The following AFDN variants were observed in gnomAD, a reference collection of about 807,000 sequenced individuals.
The protein encoded by AFDN is afadin.
In AFDN, 68 loss-of-function variants were observed where a neutral mutation model predicts 216.6. That is an observed-to-expected ratio of 0.31 (90% CI 0.26 to 0.38). The LOEUF (loss-of-function observed/expected upper bound fraction) is 0.38. AFDN is among the 10% of genes least tolerant of loss of function. The pLI is 1.00. For missense variants in AFDN, 2,136 were observed against 2,342.0 expected (o/e 0.91, Z 1.82); for synonymous variants, 868 against 853.7 (o/e 1.02, Z -0.29).
rs1180061457 is a variant in AFDN, at chr6:167,917,126, A to G, written c.2603A>G (p.Asp868Gly). Residue 868 changes from aspartate (D) to glycine (G), a missense_variant, in exon 20 of 34, where the codon GAT (aspartate) becomes GGT (glycine). Asp to Gly is a moderately conservative substitution (Grantham distance 94, BLOSUM62 -1). This residue lies in a region of AFDN where 162 missense variants were observed against 182.6 expected (regional missense o/e 0.89). Transcript: ENST00000683244. ...CTTACCATGGATAAGTATGCACCTG[A>G]TGACATTCCAAATATAAACAGCACC... ...TLLTMDKYAPDDIPNINSTCF... is the reference protein window; with the variant it reads ...TLLTMDKYAPGDIPNINSTCF... The G allele has an allele frequency of 6.2e-7, 1 of 1,613,524 alleles. No homozygotes were observed. Among genetic ancestry groups the G allele is most frequent in the Non-Finnish European group, 8.5e-7 (1 of 1,179,790 alleles).
chr6:167,954,665 A>G (rs1183519441), intron 30 of AFDN, among the ~76,000 whole-genome samples: 1 of 151,750 alleles, frequency 6.6e-6, no homozygotes, highest in East Asian at 1.9e-4. Flanking sequence ...TCCTAGATTT[A>G]GTTACTCTTT....
At chr6:167,877,027 T>C (rs1239006016) in intron 5 of AFDN, among the ~76,000 whole-genome samples, 1 of 152,214 alleles carries the variant, frequency 6.6e-6, no homozygotes, top group East Asian at 1.9e-4. Flanking sequence ...GGAGCAGGCA[T>C]GCCCATTAAA....
intron 2 of AFDN, among the ~76,000 whole-genome samples, chr6:167,867,504 A>G (rs1399336194): frequency 6.8e-6 from 1 of 146,058 alleles, no homozygotes; most frequent in East Asian, 2.0e-4. Context: ...ATCTTGGCTC[A>G]CGGCAACCTC....
At chr6:167,831,905 C>T (rs1779870969) in intron 1 of AFDN, among the ~76,000 whole-genome samples, 1 of 152,054 alleles carries the variant, frequency 6.6e-6, no homozygotes, top group South Asian at 2.1e-4. Context: ...ACAGTGTGTA[C>T]TAATAAGTAG....
intron 32 of AFDN, chr6:167,966,373 C>A: frequency 9.2e-7 from 1 of 1,083,398 alleles, no homozygotes; most frequent in South Asian, 1.6e-5. Context: ...GGCGATCATA[C>A]TTGCCTTGGA....
chr6:167,882,200 A>C (rs1345030334), intron 6 of AFDN, among the ~76,000 whole-genome samples: 2 of 152,082 alleles, frequency 1.3e-5, no homozygotes, highest in African/African-American at 2.4e-5. Context: ...CGGAGAAAGA[A>C]CTCTTAGAAA....
At chr6:167,851,109 A>G (rs1306897327) in intron 1 of AFDN, among the ~76,000 whole-genome samples, 2 of 152,154 alleles carry the variant, frequency 1.3e-5, no homozygotes, top group African/African-American at 2.4e-5. Context: ...TGAAATATGT[A>G]TAGTGCCATT....
chr6:167,837,361 G>A (rs1270332662), intron 1 of AFDN, among the ~76,000 whole-genome samples: 1 of 148,564 alleles, frequency 6.7e-6, no homozygotes, highest in African/African-American at 2.5e-5. Flanking sequence ...TCTGCCATCT[G>A]AAGAAATGAG....
intron 1 of AFDN, among the ~76,000 whole-genome samples, chr6:167,853,057 G>T (rs777629188): frequency 2.8e-4 from 42 of 152,176 alleles, no homozygotes; most frequent in Middle Eastern, 3.4e-3. Context: ...TACAGTCTAA[G>T]TGCTAGAGAT....
At chr6:167,907,876 A>G (rs1789909616) in intron 13 of AFDN, among the ~76,000 whole-genome samples, 1 of 152,120 alleles carries the variant, frequency 6.6e-6, no homozygotes, top group East Asian at 1.9e-4. Flanking sequence ...TGTCACCTTA[A>G]TCAGAATCCT....
rs539861557 is a variant in AFDN at position 167,858,900 on chromosome 6, C to T, written c.106-5651C>T. ...TTTTTAGAGAAAATTATTTTGTGGT[C>T]GGGAAGGTCAGAAAATTCTAAGGTA... On this transcript the variant is annotated intron_variant, in intron 1 of 33. Transcript: ENST00000683244. Among the ~76,000 whole-genome samples, 4 of 151,930 alleles carry T rather than the reference C, an allele frequency of 2.6e-5. No homozygotes were observed. In the East Asian group the frequency reaches 5.8e-4, roughly 22 times the overall value.
chr6:167,848,982 G>A (rs541594996), intron 1 of AFDN, among the ~76,000 whole-genome samples: 10 of 152,132 alleles, frequency 6.6e-5, no homozygotes, highest in African/African-American at 2.4e-4. Flanking sequence ...ACGCAGTGCC[G>A]CATAGTGGTT....
In AFDN at chr6:167,946,917, T is replaced by A. The variant is rs376263310; in HGVS notation, c.3553+16T>A. 6.2e-7 allele frequency: 1 copy of A among 1,600,558 alleles called. No individual in the cohort carries two copies. The highest frequency in any genetic ancestry group is 8.5e-7 in the Non-Finnish European group (1 of 1,175,834). ...AACGTAGCAAGTAAGAGTGACACTT[T>A]TTTGCTTCCTAAGTACACTTGTGAT... is the stretch of plus-strand genomic sequence containing the variant. On this transcript the variant is annotated intron_variant, in intron 27 of 33. Coordinates refer to ENST00000683244, the MANE Select transcript of AFDN (RefSeq NM_001386888.1).
At position 167,951,898 on chromosome 6, in the gene AFDN, G is replaced by A. The variant is rs1416484156; in HGVS notation, c.4544G>A (p.Gly1515Glu). 1 of 1,613,820 alleles carries A rather than the reference G, an allele frequency of 6.2e-7. No homozygotes were observed. Among genetic ancestry groups the A allele is most frequent in the Admixed American group, 1.7e-5 (1 of 59,968 alleles). The change falls in exon 30 of 34, where the codon GGG (glycine) becomes GAG (glutamate). Residue 1515 changes from glycine (G) to glutamate (E), a missense_variant. Coordinates refer to ENST00000683244, the MANE Select transcript of AFDN (RefSeq NM_001386888.1). This position sits in a 1 kb window ranked among gnomAD's most constrained non-coding sequence, Gnocchi z 7.1. The part of the protein sequence containing the change: ...ITVSKEELSS[G>E]DSLSPDPWKR... ...GTCAGCAAAGAGGAGCTTTCCTCGGGGGACAGTCTGTCCCCCGACCCGTGG... is the reference window on the plus strand; with the variant it reads ...GTCAGCAAAGAGGAGCTTTCCTCGGAGGACAGTCTGTCCCCCGACCCGTGG...
At chr6:167,931,979 G>A (rs1355218496) in intron 23 of AFDN, among the ~76,000 whole-genome samples, 1 of 152,154 alleles carries the variant, frequency 6.6e-6, no homozygotes, top group African/African-American at 2.4e-5. Context: ...TAATATAGTA[G>A]TAATAGTTAT....
rs533867151 is a variant in AFDN at position 167,888,965 on chromosome 6, A to T, written c.898-250A>T. On this transcript the variant is annotated intron_variant, in intron 6 of 33. Transcript: ENST00000683244. ...CATATAAAAAGTTGTAAAAAAAAAA[A>T]ATATTTAGTCTACCTCTTTTTAGGG... Among the ~76,000 whole-genome samples, 7 of 152,248 alleles carry T rather than the reference A, an allele frequency of 4.6e-5. No homozygotes were observed. In the East Asian group the frequency reaches 9.6e-4, roughly 21 times the overall value.
chr6:167,957,956 A>G (rs1796684866), intron 30 of AFDN, among the ~76,000 whole-genome samples: 1 of 152,242 alleles, frequency 6.6e-6, no homozygotes, highest in African/African-American at 2.4e-5. Flanking sequence ...AGTATCACAC[A>G]GAGCACGTGA....
chr6:167,887,640 T>A (rs762863366), intron 6 of AFDN, among the ~76,000 whole-genome samples: 1 of 152,030 alleles, frequency 6.6e-6, no homozygotes, highest in Non-Finnish European at 1.5e-5. Flanking sequence ...TATTTTTTAG[T>A]AGAGACAAGG....
chr6:167,962,900 A>C lies in AFDN; in HGVS notation c.4968+333A>C. The stretch of plus-strand genomic sequence containing the variant: ...GAACATGGCCCAGCTTGTCATTGTG[A>C]AGGTGACATTGGTTCAGTGATTGCT... On this transcript the variant is annotated intron_variant, in intron 31 of 33. Coordinates refer to ENST00000683244, the MANE Select transcript of AFDN (RefSeq NM_001386888.1). This position sits in a 1 kb window ranked among gnomAD's most constrained non-coding sequence, Gnocchi z 5.2. 8.6e-7 allele frequency: 1 copy of C among 1,164,304 alleles called. No homozygotes were observed. The highest frequency in any genetic ancestry group is 3.3e-5 in the South Asian group (1 of 30,372). The allele number at this position is 1,164,304 out of a possible 1,614,324, so 72.1% of individuals were successfully genotyped here.
Sources: gnomAD v4.1 joint callset for allele counts (sites outside exome capture counted in the v4.1 genomes callset) on GRCh38, gnomAD v4.1.1 for gene constraint, gnomAD v4.1.1 regional missense constraint, Gnocchi (gnomAD v3.1) non-coding constraint, MANE v1.5 for transcripts, NCBI Gene and HGNC (gene_info 2026-07-23, HGNC 2026-07-21) for gene names.